The following TBCE variants were observed in gnomAD, a reference collection of about 807,000 sequenced individuals.
TBCE encodes the protein tubulin-specific chaperone E.
A neutral mutation model predicts 77.0 loss-of-function variants in TBCE; 53 were observed. The observed-to-expected ratio is 0.69, with a 90% CI of 0.55 to 0.87. The LOEUF is 0.87. TBCE is among the 40% of genes least tolerant of loss of function. TBCE has a pLI of 0.00. For synonymous variants in TBCE, 235 were observed against 241.3 expected, an observed-to-expected ratio of 0.97 and a Z score of 0.24; for missense variants, 624 against 622.4, an observed-to-expected ratio of 1.00 and a Z score of -0.03.
At chr1:235,447,127 T>TATCA (rs1221398917) in intron 15 of TBCE, among the ~76,000 whole-genome samples, 7 of 152,212 alleles carry the variant, frequency 4.6e-5, no homozygotes, top group Admixed American at 1.3e-4. Flanking sequence ...AGGACTAGAC[T>TATCA]ATCACATATT....
intron 2 of TBCE, among the ~76,000 whole-genome samples, chr1:235,394,095 G>C (rs932781508): frequency 2.0e-5 from 3 of 151,824 alleles, no homozygotes; most frequent in Admixed American, 1.3e-4. Flanking sequence ...ATTTTTTTGA[G>C]ACGGAGTCTC....
chr1:235,440,500 C>T (rs1681805081), intron 13 of TBCE, among the ~76,000 whole-genome samples: 1 of 152,132 alleles, frequency 6.6e-6, no homozygotes, highest in African/African-American at 2.4e-5. Context: ...TCAAGTGATT[C>T]TCCTGCTTCA....
rs1275010951 is a variant in TBCE, at chr1:235,401,537, G to C, written c.135G>C (p.Glu45Asp). ...PWLGVEWDNP[E>D]RGKHDGSHEG... Reference sequence around the variant, plus strand: ...TAGGAGTAGAATGGGACAATCCCGAGAGAGGAAAGCATGATGGGAGCCACG... The same window carrying C: ...TAGGAGTAGAATGGGACAATCCCGACAGAGGAAAGCATGATGGGAGCCACG... The change falls in exon 3 of 17, where the codon GAG becomes GAC. Residue 45 changes from glutamate (E) to aspartate (D), a missense_variant. Coordinates refer to ENST00000642610, the MANE Select transcript of TBCE (RefSeq NM_003193.5). 1 of 1,613,940 alleles carries C rather than the reference G, an allele frequency of 6.2e-7. No individual in the cohort carries two copies. Among genetic ancestry groups the C allele is most frequent in the Admixed American group, 1.7e-5 (1 of 60,010 alleles).
At chr1:235,413,075 TTA>T (rs1223648036) in intron 3 of TBCE, among the ~76,000 whole-genome samples, 1 of 152,210 alleles carries the variant, frequency 6.6e-6, no homozygotes, top group Non-Finnish European at 1.5e-5. Context: ...AGTGCTGGGA[TTA>T]TAGGCATGAG....
intron 7 of TBCE, among the ~76,000 whole-genome samples, chr1:235,432,518 A>T (rs1190266568): frequency 1.3e-5 from 2 of 152,224 alleles, no homozygotes; most frequent in Non-Finnish European, 2.9e-5. Flanking sequence ...TGGGGCTCAC[A>T]CCTGCAATCC....
In TBCE at chr1:235,419,510, T is replaced by C. The variant is rs1172611914; in HGVS notation, c.409T>C (p.Cys137Arg). Residue 137 changes from cysteine (C) to arginine (R), a missense_variant, in exon 5 of 17, where the codon TGT becomes CGT. By Grantham distance (180) the Cys-to-Arg change is radical (BLOSUM62 -3). Transcript: ENST00000642610. ...GTTGCAAGAAGTTTCTCTGAGGAAC[T>C]GTGCAGTAAGTTGTGCTGGTGAAAA... ...SKLQEVSLRN[C>R]AVSCAGEKGG... is the part of the protein sequence containing the mutation. 1 of 1,614,060 alleles carries C rather than the reference T, an allele frequency of 6.2e-7. No homozygotes were observed. The highest frequency in any genetic ancestry group is 1.3e-5 in the African/African-American group (1 of 74,918).
chr1:235,428,149 C>A lies in TBCE; in HGVS notation c.560+910C>A, dbSNP rs527405044. 1.1e-3 allele frequency among the ~76,000 whole-genome samples: 161 copies of A among 151,864 alleles called. 2 individuals carry two copies. Among genetic ancestry groups the A allele is most frequent in the African/African-American group, 3.6e-3 (149 of 41,398 alleles). ...ACCATCATAGCTAACAAAGTGAAAC[C>A]CCATCTCTACTAAAAATACAAAAAA... On this transcript the variant is annotated intron_variant, in intron 6 of 16. Transcript: ENST00000642610.
At chr1:235,435,876 C>T in intron 9 of TBCE, 36 bp downstream of exon 9, 1 of 1,558,950 alleles carries the variant, frequency 6.4e-7, no homozygotes, top group Non-Finnish European at 8.9e-7. Flanking sequence ...CAATAGTGTT[C>T]AGTCAATTCT....
intron 2 of TBCE, among the ~76,000 whole-genome samples, chr1:235,387,261 TGAG>T (rs539816632): frequency 0.017 from 2,560 of 152,300 alleles, 60 homozygotes; most frequent in Non-Finnish European, 0.018. Flanking sequence ...GGGACCCACT[TGAG>T]GAGGCAGTCT....
In TBCE at chr1:235,450,097, T is replaced by A; in HGVS notation, c.*1335T>A. 7.4e-7 allele frequency: 1 copy of A among 1,352,006 alleles called. No homozygotes were observed. The highest frequency in any genetic ancestry group is 1.3e-5 in the South Asian group (1 of 75,288). The allele number at this position is 1,352,006 out of a possible 1,614,324, so 83.8% of individuals were successfully genotyped here. ...CTGGGTGAAAGTGCCAGTCTGGAAC[T>A]CTCTTGAAAGACCATACAGTCTACT... On this transcript the variant is annotated 3_prime_UTR_variant, in exon 17 of 17. Coordinates refer to ENST00000642610, the MANE Select transcript of TBCE (RefSeq NM_003193.5).
intron 3 of TBCE, among the ~76,000 whole-genome samples, chr1:235,408,809 G>A (rs183168191): frequency 4.5e-4 from 68 of 152,172 alleles, no homozygotes; most frequent in Admixed American, 1.9e-3. Context: ...AGGGTATCAA[G>A]ATCAACAGTA....
chr1:235,436,508 C>T, intron 10 of TBCE, 36 bp from the exon 11 acceptor site: 3 of 1,611,768 alleles, frequency 1.9e-6, no homozygotes, highest in Non-Finnish European at 2.5e-6. Flanking sequence ...CAGCTACTTT[C>T]ACTTCTACTG....
chr1:235,423,912 CCTTT>C (rs1680553943), intron 5 of TBCE: 1 of 152,246 alleles, frequency 6.6e-6, no homozygotes, highest in South Asian at 2.1e-4. Context: ...TGGAGTCATC[CCTTT>C]CTTCGCATCT....
intron 1 of TBCE, among the ~76,000 whole-genome samples, chr1:235,368,551 G>GTTTTTTTT (rs1558337496): frequency 2.2e-5 from 1 of 44,874 alleles, no homozygotes; most frequent in Non-Finnish European, 4.2e-5. Context: ...TGGACAGCCT[G>GTTTTTTTT]CTTTTTTTTT....
At chr1:235,401,360 T>A in intron 2 of TBCE, 143 bp from the exon 3 acceptor site, 1 of 713,126 alleles carries the variant, frequency 1.4e-6, no homozygotes, top group South Asian at 1.5e-5. Flanking sequence ...GTCCTGAGTA[T>A]AAGGCTAACT....
chr1:235,434,549 C>CTTTT (rs113532290), intron 8 of TBCE, among the ~76,000 whole-genome samples: 6 of 146,834 alleles, frequency 4.1e-5, no homozygotes, highest in Admixed American at 6.8e-5. Context: ...TTTTCTTTTT[C>CTTTT]TTTTTTTGAG....
intron 2 of TBCE, among the ~76,000 whole-genome samples, chr1:235,399,426 T>G (rs183692816): frequency 6.6e-6 from 1 of 152,250 alleles, no homozygotes; most frequent in African/African-American, 2.4e-5. Context: ...TCTCCTGCCC[T>G]CCATTCTCCT....
At chr1:235,376,169 A>C (rs971061162) in intron 1 of TBCE, among the ~76,000 whole-genome samples, 1 of 152,164 alleles carries the variant, frequency 6.6e-6, no homozygotes, top group South Asian at 2.1e-4. Flanking sequence ...ATGGAAAAAA[A>C]AAATTGTTAC....
At chr1:235,405,108 G>A (rs1162152047) in intron 3 of TBCE, among the ~76,000 whole-genome samples, 8 of 151,750 alleles carry the variant, frequency 5.3e-5, no homozygotes, top group African/African-American at 9.7e-5. Context: ...GACTACAGGC[G>A]CATGTCACCA....
Sources: allele counts gnomAD v4.1 joint callset (sites outside exome capture counted in the v4.1 genomes callset), GRCh38; gene constraint gnomAD v4.1.1; transcripts MANE v1.5; gene names NCBI Gene and HGNC (gene_info 2026-07-23, HGNC 2026-07-21).